Variants in LRP1B observed in about 807,000 individuals in gnomAD.
LRP1B encodes the protein low-density lipoprotein receptor-related protein 1B.
Under a neutral mutation model 556.6 loss-of-function variants are expected in LRP1B, and 217 were observed. The observed-to-expected ratio is 0.39, with a 90% CI of 0.35 to 0.44. The LOEUF (loss-of-function observed/expected upper bound fraction) is 0.44, where lower values mean the gene tolerates loss of function less well. Among genes scored for constraint, LRP1B ranks in the 20% least tolerant of loss-of-function variants. The pLI is 1.00. For synonymous variants in LRP1B, 2,047 were observed against 1,865.8 expected (o/e 1.10, Z -2.50); for missense variants, 5,053 against 5,620.8 (o/e 0.90, Z 3.23).
At chr2:140,452,606 T>C (rs116364467) in intron 62 of LRP1B, among the ~76,000 whole-genome samples, 1,817 of 152,232 alleles carry the variant, frequency 0.012, 31 homozygotes, top group African/African-American at 0.042. Flanking sequence ...AACAGCCAGC[T>C]GGCATTTTTC....
intron 1 of LRP1B, among the ~76,000 whole-genome samples, chr2:141,975,908 A>G (rs1701873359): frequency 6.6e-6 from 1 of 152,180 alleles, no homozygotes; most frequent in Non-Finnish European, 1.5e-5. Flanking sequence ...AATGCAATCA[A>G]TATTCCATAT....
intron 2 of LRP1B, among the ~76,000 whole-genome samples, chr2:141,570,559 A>C (rs1350000980): frequency 1.3e-5 from 2 of 150,148 alleles, no homozygotes; most frequent in Non-Finnish European, 1.5e-5. Flanking sequence ...CACTGGCTGG[A>C]GCTGTGGCTG....
chr2:141,235,995 A>G (rs982030057), intron 5 of LRP1B, among the ~76,000 whole-genome samples: 1 of 152,188 alleles, frequency 6.6e-6, no homozygotes, highest in Non-Finnish European at 1.5e-5. Context: ...TTAGAAATAC[A>G]GTATAATGTG....
chr2:140,237,779 C>A (rs957767817), intron 89 of LRP1B, among the ~76,000 whole-genome samples: 2 of 150,706 alleles, frequency 1.3e-5, no homozygotes, highest in Admixed American at 1.3e-4. Flanking sequence ...ATCTATCTAT[C>A]CCCTGAAGAA....
At chr2:141,894,168 C>T (rs563153283) in intron 1 of LRP1B, among the ~76,000 whole-genome samples, 1 of 152,100 alleles carries the variant, frequency 6.6e-6, no homozygotes, top group East Asian at 1.9e-4. Context: ...TAAAGAAGCC[C>T]ATGTGATTTA....
Position 140,678,364 on chromosome 2 carries a change from T to C in LRP1B, c.6799+21886A>G, listed in dbSNP as rs754455459. Reference sequence around the variant, plus strand: ...AGCTAATAAAATGTAAGAGTAATTTTAGGAGATATTTGTTAGAAAGATTCA... The same window carrying C: ...AGCTAATAAAATGTAAGAGTAATTTCAGGAGATATTTGTTAGAAAGATTCA... On this transcript the variant is annotated intron_variant, in intron 41 of 90. Coordinates refer to ENST00000389484, the MANE Select transcript of LRP1B (RefSeq NM_018557.3). Among the ~76,000 whole-genome samples the C allele has an allele frequency of 2.6e-5, 4 of 152,178 alleles. No homozygotes were observed. In the East Asian group the frequency reaches 7.7e-4, roughly 29 times the overall value.
intron 35 of LRP1B, among the ~76,000 whole-genome samples, chr2:140,728,707 A>T (rs1294500729): frequency 6.6e-6 from 1 of 152,162 alleles, no homozygotes; most frequent in Admixed American, 6.6e-5. Context: ...CCCTGGTGAA[A>T]AAAATAACTT....
chr2:140,428,908 T>C (rs542143539), intron 66 of LRP1B, among the ~76,000 whole-genome samples: 1 of 152,264 alleles, frequency 6.6e-6, no homozygotes, highest in African/African-American at 2.4e-5. Context: ...GGCTGAGATA[T>C]TTTAACTAAA....
intron 2 of LRP1B, among the ~76,000 whole-genome samples, chr2:141,641,232 C>A (rs1414022727): frequency 6.6e-6 from 1 of 151,906 alleles, no homozygotes; most frequent in African/African-American, 2.4e-5. Context: ...AATAAAGTGC[C>A]AGCAATGATA....
chr2:141,764,906 C>T (rs1403966354), intron 2 of LRP1B, among the ~76,000 whole-genome samples: 1 of 152,004 alleles, frequency 6.6e-6, no homozygotes, highest in Admixed American at 6.6e-5. Flanking sequence ...TTCTGTTTTC[C>T]CATACTGTTT....
In LRP1B at chr2:140,803,872, C is replaced by T. The variant is rs564343782; in HGVS notation, c.5359+9785G>A. 2.8e-5 allele frequency among the ~76,000 whole-genome samples: 4 copies of T among 143,022 alleles called. No individual in the cohort carries two copies. In the East Asian group the frequency reaches 8.6e-4, roughly 31 times the overall value. The allele number at this position is 143,022 out of a possible 152,430, so 93.8% of individuals were successfully genotyped here. ...AAGAAATAAACCCCTCCCCCACCCC[C>T]CCAACCCCCCCAAAAAAAAGAAAGA... On this transcript the variant is annotated intron_variant, in intron 32 of 90. Transcript: ENST00000389484.
chr2:140,302,757 G>A (rs1358063695), intron 83 of LRP1B, among the ~76,000 whole-genome samples: 1 of 151,910 alleles, frequency 6.6e-6, no homozygotes, highest in African/African-American at 2.4e-5. Flanking sequence ...TCCTGGCTGA[G>A]GACATCAGAG....
At chr2:140,647,988 A>G (rs939752326) in intron 41 of LRP1B, among the ~76,000 whole-genome samples, 1 of 152,182 alleles carries the variant, frequency 6.6e-6, no homozygotes, top group Non-Finnish European at 1.5e-5. Flanking sequence ...ACATGTGCAC[A>G]TGTATGTTTA....
intron 27 of LRP1B, among the ~76,000 whole-genome samples, chr2:140,860,448 G>A (rs951908067): frequency 6.6e-6 from 1 of 152,090 alleles, no homozygotes; most frequent in Non-Finnish European, 1.5e-5. Context: ...AATTTAAAAG[G>A]AGCAGTTGAG....
chr2:140,615,904 C>T (rs1035467094), intron 41 of LRP1B, among the ~76,000 whole-genome samples: 1 of 152,018 alleles, frequency 6.6e-6, no homozygotes, highest in African/African-American at 2.4e-5. Context: ...TGTTAGAATA[C>T]AGAAAATAGT....
chr2:140,591,502 C>A (rs1355629750), intron 43 of LRP1B, among the ~76,000 whole-genome samples: 2 of 152,310 alleles, frequency 1.3e-5, no homozygotes, highest in South Asian at 2.1e-4. Flanking sequence ...CCCTTTAAGA[C>A]AATTACCCAT....
At chr2:140,310,114 C>G (rs10201653) in intron 83 of LRP1B, among the ~76,000 whole-genome samples, 46,125 of 151,306 alleles carry the variant, frequency 0.3, 7,876 homozygotes, top group Non-Finnish European at 0.4. Context: ...TGACTGGGCT[C>G]CTCCTCTGCT....
intron 7 of LRP1B, among the ~76,000 whole-genome samples, chr2:141,177,590 T>G (rs904900067): frequency 6.6e-6 from 1 of 152,156 alleles, no homozygotes; most frequent in Admixed American, 6.6e-5. Context: ...TATTAATAGT[T>G]GTATTAGTTA....
chr2:142,021,456 T>A (rs1460940844), intron 1 of LRP1B, among the ~76,000 whole-genome samples: 2 of 152,140 alleles, frequency 1.3e-5, no homozygotes, highest in Admixed American at 6.5e-5. Flanking sequence ...AGGTACCTAT[T>A]TTTCACACTT....
Sources: gnomAD v4.1 joint callset for allele counts (sites outside exome capture counted in the v4.1 genomes callset) on GRCh38, gnomAD v4.1.1 for gene constraint, MANE v1.5 for transcripts, NCBI Gene and HGNC (gene_info 2026-07-23, HGNC 2026-07-21) for gene names.